TRIP13: variants seen among roughly 807,000 people sequenced by gnomAD.
TRIP13 encodes thyroid hormone receptor interactor 13.
In TRIP13, 25 loss-of-function variants were observed where a neutral mutation model predicts 54.4. The ratio of observed to expected loss-of-function variants is 0.46; its 90% CI spans 0.33 to 0.64. The LOEUF (loss-of-function observed/expected upper bound fraction) is 0.64, where lower values mean the gene tolerates loss of function less well. Ranked by LOEUF, TRIP13 falls within the 30% of genes least tolerant of loss-of-function variation. The pLI is 0.02. For synonymous variants in TRIP13, 207 were observed against 207.8 expected (o/e 1.00, Z 0.03); for missense variants, 373 against 534.2 (o/e 0.70, Z 2.97).
chr5:910,949 G>A (rs542329018), intron 9 of TRIP13, among the ~76,000 whole-genome samples: 1 of 152,224 alleles, frequency 6.6e-6, no homozygotes. Flanking sequence ...CTTGGCCAGG[G>A]TCTAGGTGAA....
rs149038341 is a variant in TRIP13, at chr5:895,558, G to C, written c.258+606G>C. Among the ~76,000 whole-genome samples, 12 of 152,312 alleles carry C rather than the reference G, an allele frequency of 7.9e-5. No individual in the cohort carries two copies. In the South Asian group the frequency reaches 2.5e-3, roughly 32 times the overall value. On this transcript the variant is annotated intron_variant, in intron 2 of 12. Transcript: ENST00000166345. ...CTGTGAAGGACAGGCTTGGTACTAA[G>C]TTCTGCTCGTGAGGTGGACCTCCCC... is the stretch of plus-strand genomic sequence containing the variant.
intron 3 of TRIP13, among the ~76,000 whole-genome samples, chr5:900,261 A>T (rs1456605178): frequency 6.6e-6 from 1 of 152,266 alleles, no homozygotes; most frequent in Non-Finnish European, 1.5e-5. Flanking sequence ...GACTCCATCC[A>T]GTTGTCTGCC....
Position 908,687 on chromosome 5 carries a change from G to A in TRIP13, c.866+226G>A, listed in dbSNP as rs951608830. On this transcript the variant is annotated intron_variant, in intron 9 of 12. Coordinates refer to ENST00000166345, the MANE Select transcript of TRIP13 (RefSeq NM_004237.4). This position sits in a 1 kb window ranked among gnomAD's most constrained non-coding sequence, Gnocchi z 5.2. ...AAAAATGTAATAGAAGGCCAGGCGC[G>A]GTGGCTCACACCTGTAATCCCAGCA... is the stretch of plus-strand genomic sequence containing the variant. 3.2e-5 allele frequency: 42 copies of A among 1,308,498 alleles called. No homozygotes were observed. Among genetic ancestry groups the A allele is most frequent in the South Asian group, 4.6e-5 (3 of 65,352 alleles). 81.1% of individuals were successfully genotyped at this position (1,308,498 alleles called of 1,614,324 possible).
chr5:905,298 GC>G (rs1754090460), intron 6 of TRIP13, among the ~76,000 whole-genome samples: 2 of 152,176 alleles, frequency 1.3e-5, no homozygotes, highest in Admixed American at 1.3e-4. Flanking sequence ...AGGTCCAGGA[GC>G]CCTTCAGCTC....
rs545810100 is a variant in TRIP13 at position 908,137 on chromosome 5, C to A, written c.759+63C>A. ...GCCTTTTGCCATTGTGGGGACACAG[C>A]CTACTCCTGATGCTCCTAGCTTTCC... On this transcript the variant is annotated intron_variant, in intron 8 of 12. Transcript: ENST00000166345. The surrounding 1 kb of genome is among the most constrained non-coding windows in gnomAD (Gnocchi z 5.2). The A allele has an allele frequency of 6.4e-7, 1 of 1,568,336 alleles. No homozygotes were observed. The highest frequency in any genetic ancestry group is 1.1e-5 in the South Asian group (1 of 90,026).
intron 6 of TRIP13, among the ~76,000 whole-genome samples, chr5:905,111 C>G (rs1291458725): frequency 6.6e-6 from 1 of 152,162 alleles, no homozygotes; most frequent in Non-Finnish European, 1.5e-5. Context: ...ATTTCCATTA[C>G]TTGTGATTTG....
In TRIP13 at chr5:907,054, A is replaced by T. The variant is rs1721053342; in HGVS notation, c.609-76A>T. The T allele has an allele frequency of 4.8e-6, 6 of 1,248,310 alleles. No individual in the cohort carries two copies. Among genetic ancestry groups the T allele is most frequent in the Non-Finnish European group, 7.0e-6 (6 of 852,980 alleles). The allele number at this position is 1,248,310 out of a possible 1,614,324, so 77.3% of individuals were successfully genotyped here. A position where few individuals can be genotyped will look rare whatever the true frequency, so the allele number is the denominator to read the frequency against. Reference sequence around the variant, plus strand: ...GCTGGGCACTTGAGATGTTGCATTCAGGACGCGTGAATGGCTGCCGCTGAG... The same window carrying T: ...GCTGGGCACTTGAGATGTTGCATTCTGGACGCGTGAATGGCTGCCGCTGAG... On this transcript the variant is annotated intron_variant, in intron 6 of 12. Coordinates refer to ENST00000166345, the MANE Select transcript of TRIP13 (RefSeq NM_004237.4). The surrounding 1 kb of genome is among the most constrained non-coding windows in gnomAD (Gnocchi z 4.1).
chr5:893,066 T>C lies in TRIP13; in HGVS notation c.68T>C (p.Val23Ala). Reference protein sequence around the residue: ...PCVAESPTVHVEVHQRGSSTA... With the variant: ...PCVAESPTVHAEVHQRGSSTA... ...GTGGCCGAGTCGCCAACGGTCCACG[T>C]GGAGGTGCATCAGCGCGGCAGCAGG... Residue 23 changes from valine (V) to alanine (A), a missense_variant, in exon 1 of 13, where the codon GTG (valine) becomes GCG (alanine). Val to Ala is a moderately conservative substitution (Grantham distance 64, BLOSUM62 0). Coordinates refer to ENST00000166345, the MANE Select transcript of TRIP13 (RefSeq NM_004237.4). The C allele has an allele frequency of 6.3e-7, 1 of 1,597,720 alleles. No individual in the cohort carries two copies. Among genetic ancestry groups the C allele is most frequent in the Non-Finnish European group, 8.5e-7 (1 of 1,176,748 alleles).
Position 893,026 on chromosome 5 carries a change from C to A in TRIP13, c.28C>A (p.Gln10Lys). Residue 10 changes from glutamine to lysine, a missense_variant, in exon 1 of 13, where the codon CAG becomes AAG. This residue lies in a region of TRIP13 where 151 missense variants were observed against 151.9 expected (regional missense o/e 0.99). Transcript: ENST00000166345. Reference sequence around the variant, plus strand: ...GGACGAGGCCGTGGGCGACCTGAAGCAGGCGCTTCCCTGTGTGGCCGAGTC... The same window carrying A: ...GGACGAGGCCGTGGGCGACCTGAAGAAGGCGCTTCCCTGTGTGGCCGAGTC... MDEAVGDLK[Q>K]ALPCVAESPT... The A allele has an allele frequency of 6.3e-7, 1 of 1,593,402 alleles. No homozygotes were observed.
In TRIP13 at chr5:907,873, C is replaced by G. The variant is rs920256861; in HGVS notation, c.673-115C>G. 4 of 1,037,100 alleles carry G rather than the reference C, an allele frequency of 3.9e-6. No homozygotes were observed. Among genetic ancestry groups the G allele is most frequent in the Non-Finnish European group, 6.0e-6 (4 of 670,968 alleles). 64.2% of individuals were successfully genotyped at this position (1,037,100 alleles called of 1,614,324 possible). On this transcript the variant is annotated intron_variant, in intron 7 of 12. Coordinates refer to ENST00000166345, the MANE Select transcript of TRIP13 (RefSeq NM_004237.4). The surrounding 1 kb of genome is among the most constrained non-coding windows in gnomAD (Gnocchi z 4.1). ...TTTAGGGAGCTTTCTGAGGGGCCGT[C>G]AGGAGACAGTGGGCTTGTGGGGACA...
rs1224923864 is a variant in TRIP13 at position 917,540 on chromosome 5, C to T, written c.*437C>T. ...CATAGCATTAAAAATGCACACATTA[C>T]TCCAGGTGGAAGGTGGCAATTGCTT... On this transcript the variant is annotated 3_prime_UTR_variant, in exon 13 of 13. Coordinates refer to ENST00000166345, the MANE Select transcript of TRIP13 (RefSeq NM_004237.4). 6.5e-6 allele frequency: 1 copy of T among 152,818 alleles called. No homozygotes were observed. 9.5% of individuals were successfully genotyped at this position (152,818 alleles called of 1,614,324 possible). A position where few individuals can be genotyped will look rare whatever the true frequency, so the allele number is the denominator to read the frequency against.
chr5:912,025 A>G lies in TRIP13; in HGVS notation c.1020+29A>G. 1 of 1,594,730 alleles carries G rather than the reference A, an allele frequency of 6.3e-7. No individual in the cohort carries two copies. Among genetic ancestry groups the G allele is most frequent in the African/African-American group, 1.4e-5 (1 of 73,430 alleles). On this transcript the variant is annotated intron_variant, in intron 10 of 12. Transcript: ENST00000166345. The surrounding 1 kb of genome is among the most constrained non-coding windows in gnomAD (Gnocchi z 7.2). ...CCTTTATTTTTTTTTTCCTCTTGAT[A>G]CAAATGGATTTCTTATATGTTCTTA...
chr5:900,401 G>A (rs1051898136), intron 3 of TRIP13, 93 bp from the exon 4 acceptor site: 1 of 1,250,830 alleles, frequency 8.0e-7, no homozygotes. Context: ...CAGCACAATG[G>A]GAAGCTCAGG....
chr5:916,209 C>T (rs1284401385), intron 12 of TRIP13, among the ~76,000 whole-genome samples: 3 of 152,218 alleles, frequency 2.0e-5, no homozygotes, highest in Non-Finnish European at 4.4e-5. Context: ...CATGCACACA[C>T]ATGCACGTCT....
At position 914,785 on chromosome 5, in the gene TRIP13, A is replaced by T. The variant is rs140844675; in HGVS notation, c.1133+208A>T. The stretch of plus-strand genomic sequence containing the variant: ...CAGCACAGCCACCTCCTTCCAAAGG[A>T]GATGTAACCCTTGCTCAGGGAGGGC... On this transcript the variant is annotated intron_variant, in intron 11 of 12. Coordinates refer to ENST00000166345, the MANE Select transcript of TRIP13 (RefSeq NM_004237.4). Among the ~76,000 whole-genome samples, 268 of 151,900 alleles carry T rather than the reference A, an allele frequency of 1.8e-3. 2 individuals are homozygous for T. The highest frequency in any genetic ancestry group is 6.3e-3 in the African/African-American group (258 of 41,226).
Position 915,268 on chromosome 5 carries a change from C to T in TRIP13, c.1134-636C>T, listed in dbSNP as rs940234110. On this transcript the variant is annotated intron_variant, in intron 11 of 12. Transcript: ENST00000166345. This position sits in a 1 kb window ranked among gnomAD's most constrained non-coding sequence, Gnocchi z 4.2. ...TTCTACAAAAATTGAAGATGTGAACCCACCCATTATTTGGGGACTCTGTGC... is the reference window on the plus strand; with the variant it reads ...TTCTACAAAAATTGAAGATGTGAACTCACCCATTATTTGGGGACTCTGTGC... 5.9e-5 allele frequency among the ~76,000 whole-genome samples: 9 copies of T among 152,340 alleles called. No homozygotes were observed. In the South Asian group the frequency reaches 1.9e-3, roughly 32 times the overall value.
chr5:893,195 C>G, intron 1 of TRIP13, 105 bp downstream of exon 1: 2 of 1,164,272 alleles, frequency 1.7e-6, no homozygotes, highest in Non-Finnish European at 2.4e-6. Context: ...GCGACCGAAC[C>G]CCAGGGTACT....
Position 901,210 on chromosome 5 carries a change from C to T in TRIP13, c.445-131C>T. 4 of 663,634 alleles carry T rather than the reference C, an allele frequency of 6.0e-6. No individual in the cohort carries two copies. In the South Asian group the frequency reaches 6.4e-5, roughly 11 times the overall value. The allele number at this position is 663,634 out of a possible 1,614,324, so 41.1% of individuals were successfully genotyped here. On this transcript the variant is annotated intron_variant, in intron 4 of 12. Transcript: ENST00000166345. ...AATGAAAGCGTTTGGAGGTGATGAT[C>T]TCTTAGGAGGCGGCCTCGCTCCCTG...
At position 912,746 on chromosome 5, in the gene TRIP13, G is replaced by T. The variant is rs1276978747; in HGVS notation, c.1020+750G>T. On this transcript the variant is annotated intron_variant, in intron 10 of 12. Transcript: ENST00000166345. The surrounding 1 kb of genome is among the most constrained non-coding windows in gnomAD (Gnocchi z 7.2). The stretch of plus-strand genomic sequence containing the variant: ...CCGTCGCCATGGGCAGTGACGCTGC[G>T]GTGTGTGTGAGTCAGGCTAGCAGGG... Among the ~76,000 whole-genome samples, 1 of 152,050 alleles carries T rather than the reference G, an allele frequency of 6.6e-6. No individual in the cohort carries two copies. Among genetic ancestry groups the T allele is most frequent in the Non-Finnish European group, 1.5e-5 (1 of 68,024 alleles).
Sources: gnomAD v4.1 joint callset for allele counts (sites outside exome capture counted in the v4.1 genomes callset) on GRCh38, gnomAD v4.1.1 for gene constraint, gnomAD v4.1.1 regional missense constraint, Gnocchi (gnomAD v3.1) non-coding constraint, MANE v1.5 for transcripts, NCBI Gene and HGNC (gene_info 2026-07-23, HGNC 2026-07-21) for gene names.